NSG2: variants seen among roughly 807,000 people sequenced by gnomAD.
NSG2 encodes neuronal vesicle trafficking-associated protein 2.
Under a neutral mutation model 16.9 loss-of-function variants are expected in NSG2, and 4 were observed. That is an observed-to-expected ratio of 0.24 (90% confidence interval 0.12 to 0.54). The LOEUF is 0.54. Among genes scored for constraint, NSG2 ranks in the 20% least tolerant of loss-of-function variants. NSG2 has a pLI of 0.95. For synonymous variants in NSG2, 98 were observed against 88.7 expected (o/e 1.11, Z -0.59); for missense variants, 179 against 221.1 (o/e 0.81, Z 1.21).
chr5:174,082,365 A>G (rs568607679), intron 3 of NSG2: 1 of 152,366 alleles, frequency 6.6e-6, no homozygotes, highest in African/African-American at 2.4e-5. Context: ...AAGCAATATC[A>G]TTTATCATTG....
chr5:174,071,009 GC>G (rs1760230263), intron 3 of NSG2, among the ~76,000 whole-genome samples: 5 of 152,300 alleles, frequency 3.3e-5, no homozygotes, highest in Admixed American at 2.0e-4. Flanking sequence ...TTAGGCTCTG[GC>G]CAGGGCCAGC....
At chr5:174,046,922 TCCC>T in intron 2 of NSG2, 38 bp downstream of exon 2, 5 of 1,596,072 alleles carry the variant, frequency 3.1e-6, no homozygotes, top group Non-Finnish European at 4.3e-6. Flanking sequence ...GCCCCCAGGC[TCCC>T]CCCATCTCAG....
intron 3 of NSG2, among the ~76,000 whole-genome samples, chr5:174,097,537 ATG>A (rs897022739): frequency 2.8e-5 from 4 of 144,300 alleles, no homozygotes; most frequent in Admixed American, 2.1e-4. Flanking sequence ...GTGTAACTAT[ATG>A]TGTGTGTCTG....
intron 2 of NSG2, among the ~76,000 whole-genome samples, chr5:174,047,719 A>G (rs1163960269): frequency 6.6e-6 from 1 of 152,212 alleles, no homozygotes; most frequent in Non-Finnish European, 1.5e-5. Flanking sequence ...TAGTCCATGA[A>G]GAATGGAGGT....
At chr5:174,104,155 G>T (rs1303523732) in intron 3 of NSG2, 73 bp from the exon 4 acceptor site, 4 of 1,046,322 alleles carry the variant, frequency 3.8e-6, no homozygotes, top group Non-Finnish European at 6.0e-6. Flanking sequence ...CCAGTTCTAG[G>T]CTCTGAAAGC....
intron 3 of NSG2, among the ~76,000 whole-genome samples, chr5:174,099,607 C>T (rs1299327309): frequency 6.6e-6 from 1 of 152,174 alleles, no homozygotes; most frequent in Non-Finnish European, 1.5e-5. Context: ...CTGTTCTTTG[C>T]CCCCTGCCCA....
chr5:174,099,563 C>T (rs1219296962), intron 3 of NSG2, among the ~76,000 whole-genome samples: 2 of 152,140 alleles, frequency 1.3e-5, no homozygotes, highest in African/African-American at 4.8e-5. Context: ...GTCACTGGCT[C>T]CCTGTTGTCC....
At chr5:174,046,928 C>CA in intron 2 of NSG2, 44 bp downstream of exon 2, 1 of 1,599,552 alleles carries the variant, frequency 6.3e-7, no homozygotes, top group Non-Finnish European at 8.5e-7. Context: ...AGGCTCCCCC[C>CA]ATCTCAGGAA....
At chr5:174,082,315 A>C (rs1760493812) in intron 3 of NSG2, 1 of 152,194 alleles carries the variant, frequency 6.6e-6, no homozygotes, top group South Asian at 2.1e-4. Flanking sequence ...CAGGGTGCGG[A>C]CATACAGCTG....
intron 3 of NSG2, 52 bp from the exon 4 acceptor site, chr5:174,104,176 G>A: frequency 1.5e-6 from 2 of 1,297,120 alleles, no homozygotes; most frequent in East Asian, 4.6e-5. Flanking sequence ...TGCATACGGG[G>A]ACTGAAGGTG....
At chr5:174,070,352 A>G (rs1006375878) in intron 3 of NSG2, among the ~76,000 whole-genome samples, 1 of 152,276 alleles carries the variant, frequency 6.6e-6, no homozygotes, top group Admixed American at 6.5e-5. Flanking sequence ...TGCTTAGAGA[A>G]GTGAGGTGAT....
intron 2 of NSG2, among the ~76,000 whole-genome samples, chr5:174,054,776 C>A (rs1256886837): frequency 6.6e-6 from 1 of 152,150 alleles, no homozygotes; most frequent in Non-Finnish European, 1.5e-5. Flanking sequence ...ACAGGGAGAT[C>A]ACTGTGAAGC....
intron 3 of NSG2, among the ~76,000 whole-genome samples, chr5:174,067,775 TGGCTGG>T (rs1760167955): frequency 6.6e-6 from 1 of 152,132 alleles, no homozygotes; most frequent in Non-Finnish European, 1.5e-5. Flanking sequence ...CTGAGTAAGC[TGGCTGG>T]GGCTCATGAT....
chr5:174,083,410 T>C (rs993096265), intron 3 of NSG2, among the ~76,000 whole-genome samples: 1 of 152,192 alleles, frequency 6.6e-6, no homozygotes, highest in Non-Finnish European at 1.5e-5. Flanking sequence ...GAAAATCAAT[T>C]GTGTTTCTCG....
intron 2 of NSG2, among the ~76,000 whole-genome samples, chr5:174,053,421 A>G (rs1759922293): frequency 6.6e-6 from 1 of 152,132 alleles, no homozygotes; most frequent in East Asian, 1.9e-4. Context: ...GGGCCTGATG[A>G]TGCTCTGCAG....
At chr5:174,053,307 G>A (rs1469863677) in intron 2 of NSG2, among the ~76,000 whole-genome samples, 1 of 152,142 alleles carries the variant, frequency 6.6e-6, no homozygotes, top group African/African-American at 2.4e-5. Context: ...CTTTCACTGG[G>A]CATCCAGAAT....
rs80224827 is a variant in NSG2, at chr5:174,092,691, A to G, written c.214-11537A>G. ...GACTCTCTTTCCTTTTGCATTAATC[A>G]TCTTGCTTGTACCTCATGATAGTTT... On this transcript the variant is annotated intron_variant, in intron 3 of 4. Transcript: ENST00000303177. Among the ~76,000 whole-genome samples the G allele has an allele frequency of 5.5e-3, 832 of 152,330 alleles. 7 individuals carry two copies. Among genetic ancestry groups the G allele is most frequent in the African/African-American group, 0.018 (752 of 41,560 alleles).
chr5:174,106,717 C>T (rs1337321095), intron 4 of NSG2, among the ~76,000 whole-genome samples: 1 of 150,864 alleles, frequency 6.6e-6, no homozygotes, highest in Non-Finnish European at 1.5e-5. Flanking sequence ...GCCTCAGCCT[C>T]CTGAGTAGCT....
rs1318705756 is a variant in NSG2 at position 174,108,727 on chromosome 5, C to T, written c.*1222C>T. The T allele has an allele frequency of 6.6e-6, 1 of 152,500 alleles. No homozygotes were observed. The highest frequency in any genetic ancestry group is 2.4e-5 in the African/African-American group (1 of 41,468). The allele number at this position is 152,500 out of a possible 1,614,324, so 9.4% of individuals were successfully genotyped here. A position where few individuals can be genotyped will look rare whatever the true frequency, so the allele number is the denominator to read the frequency against. ...CCGTATCAGGCATTCGCCTGCCTCT[C>T]ACAAATGTTTCAGGGAGGCCAGTTC... On this transcript the variant is annotated 3_prime_UTR_variant, in exon 5 of 5. Coordinates refer to ENST00000303177, the MANE Select transcript of NSG2 (RefSeq NM_015980.5).
Sources: allele counts gnomAD v4.1 joint callset (sites outside exome capture counted in the v4.1 genomes callset), GRCh38; gene constraint gnomAD v4.1.1; transcripts MANE v1.5; gene names NCBI Gene and HGNC (gene_info 2026-07-23, HGNC 2026-07-21).